Variants in ATRNL1 observed in about 807,000 individuals in gnomAD.
ATRNL1 encodes the protein attractin like 1.
In ATRNL1, 95 loss-of-function variants were observed where a neutral mutation model predicts 182.7. The observed-to-expected ratio is 0.52, with a 90% CI of 0.44 to 0.62. The LOEUF is 0.62. Ranked by LOEUF, ATRNL1 falls within the 20% of genes least tolerant of loss-of-function variation. The pLI is 0.00. For missense variants in ATRNL1, 1,471 were observed against 1,679.5 expected, an observed-to-expected ratio of 0.88 and a Z score of 2.17; for synonymous variants, 576 against 568.3, an observed-to-expected ratio of 1.01 and a Z score of -0.19.
chr10:115,845,103 G>A (rs990483275), intron 27 of ATRNL1, among the ~76,000 whole-genome samples: 4 of 152,016 alleles, frequency 2.6e-5, no homozygotes, highest in African/African-American at 9.7e-5. Flanking sequence ...TCTTCCAGAA[G>A]TATCAAAGAG....
intron 27 of ATRNL1, among the ~76,000 whole-genome samples, chr10:115,803,803 T>G (rs1555085019): frequency 6.6e-6 from 1 of 152,198 alleles, no homozygotes; most frequent in Admixed American, 6.5e-5. Flanking sequence ...TACTTTGTTA[T>G]GAACATATTA....
chr10:115,254,590 T>C (rs1851034810), intron 10 of ATRNL1, among the ~76,000 whole-genome samples: 1 of 152,322 alleles, frequency 6.6e-6, no homozygotes, highest in Admixed American at 6.5e-5. Context: ...GTAGGTTGCC[T>C]GTTCACTCTG....
chr10:115,920,622 G>A (rs1953023215), intron 28 of ATRNL1, among the ~76,000 whole-genome samples: 1 of 152,172 alleles, frequency 6.6e-6, no homozygotes, highest in South Asian at 2.1e-4. Context: ...AAGAAGAGGA[G>A]CCCAAAAGTG....
chr10:115,894,817 A>G (rs1952166718), intron 28 of ATRNL1, among the ~76,000 whole-genome samples: 2 of 152,154 alleles, frequency 1.3e-5, no homozygotes, highest in Admixed American at 1.3e-4. Flanking sequence ...AGACTGAAGT[A>G]ACATGTGGGG....
At chr10:115,196,861 A>G (rs575937873) in intron 8 of ATRNL1, among the ~76,000 whole-genome samples, 1 of 151,888 alleles carries the variant, frequency 6.6e-6, no homozygotes, top group South Asian at 2.1e-4. Context: ...ACATTGTTTT[A>G]CTCTTTCTTT....
At chr10:115,767,628 C>T (rs1948889539) in intron 27 of ATRNL1, among the ~76,000 whole-genome samples, 1 of 152,162 alleles carries the variant, frequency 6.6e-6, no homozygotes, top group African/African-American at 2.4e-5. Context: ...TTTTGTTCAT[C>T]ATGTTTTTCT....
At chr10:115,262,750 A>C (rs1364467252) in intron 10 of ATRNL1, among the ~76,000 whole-genome samples, 1 of 152,050 alleles carries the variant, frequency 6.6e-6, no homozygotes, top group East Asian at 1.9e-4. Context: ...ATTTCATAGA[A>C]GACTAAAACA....
intron 28 of ATRNL1, among the ~76,000 whole-genome samples, chr10:115,899,649 A>G (rs1952302065): frequency 2.0e-5 from 3 of 152,090 alleles, no homozygotes; most frequent in Non-Finnish European, 4.4e-5. Context: ...ATATTAATAT[A>G]CCTCCATATA....
intron 1 of ATRNL1, among the ~76,000 whole-genome samples, chr10:115,114,549 A>T (rs1554869244): frequency 6.6e-6 from 1 of 152,130 alleles, no homozygotes; most frequent in East Asian, 1.9e-4. Flanking sequence ...TAACAAGAAA[A>T]CAAATAACCC....
At chr10:115,159,880 G>T (rs1459384031) in intron 5 of ATRNL1, among the ~76,000 whole-genome samples, 160 bp from the exon 6 acceptor site, 1 of 151,632 alleles carries the variant, frequency 6.6e-6, no homozygotes, top group Non-Finnish European at 1.5e-5. Context: ...TACATTTTCT[G>T]TGAGTATTAT....
At chr10:115,746,299 T>A (rs1948289704) in intron 27 of ATRNL1, among the ~76,000 whole-genome samples, 1 of 152,118 alleles carries the variant, frequency 6.6e-6, no homozygotes, top group African/African-American at 2.4e-5. Context: ...AATGTTTAAA[T>A]TTTTAAACTT....
intron 21 of ATRNL1, among the ~76,000 whole-genome samples, chr10:115,451,885 A>G (rs781970059): frequency 2.6e-5 from 4 of 152,208 alleles, no homozygotes; most frequent in African/African-American, 9.6e-5. Context: ...GACAGATCAG[A>G]TAAAGAAAAT....
chr10:115,223,676 T>C lies in ATRNL1; in HGVS notation c.1532+7796T>C, dbSNP rs1554897958. On this transcript the variant is annotated intron_variant, in intron 9 of 28. Transcript: ENST00000355044. ...ATACCTTATAATTGAAGCATATACA[T>C]GGTTTCCAAGAACAAAGGAACTTTC... is the stretch of plus-strand genomic sequence containing the variant. 3.3e-5 allele frequency among the ~76,000 whole-genome samples: 5 copies of C among 151,808 alleles called. No homozygotes were observed. In the East Asian group the frequency reaches 7.8e-4, roughly 24 times the overall value.
At chr10:115,319,884 C>T (rs1456170921) in intron 18 of ATRNL1, among the ~76,000 whole-genome samples, 1 of 151,922 alleles carries the variant, frequency 6.6e-6, no homozygotes, top group Non-Finnish European at 1.5e-5. Flanking sequence ...GGATTTAGCC[C>T]ATTTACATTT....
intron 22 of ATRNL1, among the ~76,000 whole-genome samples, chr10:115,466,763 TA>T (rs1310835241): frequency 2.0e-5 from 3 of 151,276 alleles, no homozygotes; most frequent in East Asian, 3.9e-4. Flanking sequence ...AGAAGTCTTT[TA>T]AAAAAATAAT....
chr10:115,642,403 C>A (rs1356580611), intron 26 of ATRNL1, among the ~76,000 whole-genome samples: 1 of 151,184 alleles, frequency 6.6e-6, no homozygotes, highest in Admixed American at 6.6e-5. Context: ...TCAAATTGAT[C>A]AATAGATTCA....
intron 26 of ATRNL1, among the ~76,000 whole-genome samples, chr10:115,587,036 A>G (rs373310922): frequency 1.1e-3 from 166 of 148,810 alleles, no homozygotes; most frequent in South Asian, 5.0e-3. Flanking sequence ...GTCTGCCCCT[A>G]CTGGGGGGTG....
chr10:115,691,593 A>G (rs1946395570), intron 26 of ATRNL1, among the ~76,000 whole-genome samples: 1 of 152,112 alleles, frequency 6.6e-6, no homozygotes. Flanking sequence ...ATGGTGGTGC[A>G]TGCCTGCAGT....
intron 7 of ATRNL1, among the ~76,000 whole-genome samples, chr10:115,169,937 G>A (rs115432702): frequency 0.012 from 1,787 of 151,786 alleles, 33 homozygotes; most frequent in African/African-American, 0.04. Context: ...TTCATTTTTG[G>A]GGTGTTCATT....
Sources: gnomAD v4.1 joint callset for allele counts (sites outside exome capture counted in the v4.1 genomes callset) on GRCh38, gnomAD v4.1.1 for gene constraint, MANE v1.5 for transcripts, NCBI Gene and HGNC (gene_info 2026-07-23, HGNC 2026-07-21) for gene names.